Variants in RORA observed in about 807,000 individuals in gnomAD.
RORA encodes RAR related orphan receptor A, also known as nuclear receptor ROR-alpha.
A neutral mutation model predicts 69.5 loss-of-function variants in RORA; 7 were observed. That is an observed-to-expected ratio of 0.10 (90% CI 0.06 to 0.19). The LOEUF (loss-of-function observed/expected upper bound fraction) is 0.19. Among genes scored for constraint, RORA ranks in the 10% least tolerant of loss-of-function variants. The pLI is 1.00. For missense variants in RORA, 457 were observed against 663.0 expected, an observed-to-expected ratio of 0.69 and a Z score of 3.41; for synonymous variants, 261 against 240.8, an observed-to-expected ratio of 1.08 and a Z score of -0.78.
At chr15:61,028,520 C>T (rs1240089261) in intron 1 of RORA, among the ~76,000 whole-genome samples, 2 of 152,166 alleles carry the variant, frequency 1.3e-5, no homozygotes, top group African/African-American at 4.8e-5. Flanking sequence ...ACAGTACCTG[C>T]CCCCTCTAGT....
intron 1 of RORA, among the ~76,000 whole-genome samples, chr15:61,044,999 G>A (rs1459485081): frequency 6.6e-6 from 1 of 152,194 alleles, no homozygotes; most frequent in Non-Finnish European, 1.5e-5. Flanking sequence ...AAATGTGAAG[G>A]GCTGTCCCTG....
chr15:61,112,743 T>C (rs1184994749), intron 1 of RORA, among the ~76,000 whole-genome samples: 4 of 152,122 alleles, frequency 2.6e-5, no homozygotes, highest in African/African-American at 9.7e-5. Flanking sequence ...TTTGTGAAAA[T>C]CGTTCCCAGA....
At chr15:60,710,475 C>G (rs367992982) in intron 1 of RORA, among the ~76,000 whole-genome samples, 5 of 151,858 alleles carry the variant, frequency 3.3e-5, no homozygotes, top group African/African-American at 1.2e-4. Context: ...GCAACAAGAG[C>G]GAAACTCCAT....
intron 1 of RORA, among the ~76,000 whole-genome samples, chr15:61,209,959 C>G (rs2079976066): frequency 1.3e-5 from 2 of 152,174 alleles, no homozygotes. Flanking sequence ...GCATATTTAG[C>G]TCAACTTCCC....
chr15:61,024,457 T>TA (rs1034684209), intron 1 of RORA, among the ~76,000 whole-genome samples: 7 of 149,786 alleles, frequency 4.7e-5, no homozygotes, highest in Non-Finnish European at 1.0e-4. Flanking sequence ...TAATGTTTTT[T>TA]TTTTTTTTTG....
At chr15:60,576,348 A>G (rs1024125366) in intron 2 of RORA, among the ~76,000 whole-genome samples, 1 of 152,242 alleles carries the variant, frequency 6.6e-6, no homozygotes, top group Admixed American at 6.5e-5. Flanking sequence ...GAATGTGCCA[A>G]AACACATTTG....
At chr15:60,620,883 G>A (rs550569592) in intron 2 of RORA, among the ~76,000 whole-genome samples, 2 of 152,230 alleles carry the variant, frequency 1.3e-5, no homozygotes, top group African/African-American at 2.4e-5. Context: ...GAGCCGGCAC[G>A]GAAAGTTACT....
At chr15:60,674,969 G>C (rs1460294922) in intron 2 of RORA, among the ~76,000 whole-genome samples, 1 of 152,150 alleles carries the variant, frequency 6.6e-6, no homozygotes, top group Non-Finnish European at 1.5e-5. Context: ...AAACGGTTCA[G>C]GGGCCTACCA....
At chr15:61,129,562 A>T (rs1048752757) in intron 1 of RORA, among the ~76,000 whole-genome samples, 2 of 152,198 alleles carry the variant, frequency 1.3e-5, no homozygotes, top group African/African-American at 4.8e-5. Context: ...CTTAAAGCCA[A>T]TGCCTGGTAC....
chr15:61,135,340 A>G (rs2079227680), intron 1 of RORA, among the ~76,000 whole-genome samples: 1 of 151,762 alleles, frequency 6.6e-6, no homozygotes, highest in Admixed American at 6.6e-5. Flanking sequence ...CAAAATAATA[A>G]TAATAAATAA....
At chr15:61,029,939 G>T (rs911625609) in intron 1 of RORA, among the ~76,000 whole-genome samples, 4 of 152,198 alleles carry the variant, frequency 2.6e-5, no homozygotes, top group Non-Finnish European at 4.4e-5. Flanking sequence ...AGAGAGACAA[G>T]TGGAGGCATA....
intron 1 of RORA, among the ~76,000 whole-genome samples, chr15:61,054,524 C>T (rs761216921): frequency 2.0e-5 from 3 of 152,160 alleles, no homozygotes; most frequent in Non-Finnish European, 4.4e-5. Context: ...TTCTCATCCT[C>T]ACTGAGGCAC....
At chr15:61,127,502 A>T (rs997072365) in intron 1 of RORA, among the ~76,000 whole-genome samples, 1 of 152,160 alleles carries the variant, frequency 6.6e-6, no homozygotes, top group Admixed American at 6.5e-5. Flanking sequence ...TGTCTGGCAA[A>T]CAGATCTCCA....
intron 1 of RORA, among the ~76,000 whole-genome samples, chr15:60,877,436 G>C (rs942266415): frequency 6.6e-6 from 1 of 152,036 alleles, no homozygotes; most frequent in African/African-American, 2.4e-5. Context: ...ACTTTTTTTG[G>C]ACACAAATGT....
At chr15:61,063,590 T>C (rs1375183665) in intron 1 of RORA, among the ~76,000 whole-genome samples, 1 of 152,202 alleles carries the variant, frequency 6.6e-6, no homozygotes, top group African/African-American at 2.4e-5. Context: ...GAAATCTTTG[T>C]CCTCCTAAAC....
chr15:61,067,300 C>T (rs569535101), intron 1 of RORA, among the ~76,000 whole-genome samples: 9 of 151,816 alleles, frequency 5.9e-5, no homozygotes, highest in East Asian at 1.9e-4. Flanking sequence ...TTAGTAGAGA[C>T]GGGGTTTTAC....
intron 1 of RORA, among the ~76,000 whole-genome samples, chr15:61,043,785 T>C (rs1896896880): frequency 6.6e-6 from 1 of 152,194 alleles, no homozygotes; most frequent in Non-Finnish European, 1.5e-5. Flanking sequence ...GGTTTTATTT[T>C]TTTTTAATGT....
chr15:60,628,698 T>G (rs1034558799), intron 2 of RORA, among the ~76,000 whole-genome samples: 8 of 152,208 alleles, frequency 5.3e-5, no homozygotes, highest in Admixed American at 5.2e-4. Context: ...CTTCAGCATC[T>G]TCCACATAAA....
intron 3 of RORA, among the ~76,000 whole-genome samples, chr15:60,522,408 G>T (rs79487356): frequency 0.011 from 1,743 of 152,124 alleles, 34 homozygotes; most frequent in African/African-American, 0.04. Flanking sequence ...TTGCTTTATT[G>T]TCTAGATTTA....
Sources: allele counts gnomAD v4.1 joint callset (sites outside exome capture counted in the v4.1 genomes callset), GRCh38; gene constraint gnomAD v4.1.1; transcripts MANE v1.5; gene names NCBI Gene and HGNC (gene_info 2026-07-23, HGNC 2026-07-21).